Variants in TEX36 observed in about 807,000 individuals in gnomAD.
The protein encoded by TEX36 is testis-expressed protein 36.
In TEX36, 12 loss-of-function variants were observed where a neutral mutation model predicts 13.6. The ratio of observed to expected loss-of-function variants is 0.88; its 90% CI spans 0.56 to 1.43. TEX36 has a LOEUF of 1.43. Among genes scored for constraint, TEX36 ranks in the 40% most tolerant of loss-of-function variants. The pLI, the probability that TEX36 is intolerant of heterozygous loss-of-function variation, is 0.00. For synonymous variants in TEX36, 93 were observed against 83.0 expected, an observed-to-expected ratio of 1.12 and a Z score of -0.65; for missense variants, 224 against 228.3, an observed-to-expected ratio of 0.98 and a Z score of 0.12.
At chr10:125,677,756 A>G (rs1403722296) in intron 1 of TEX36, among the ~76,000 whole-genome samples, 1 of 152,080 alleles carries the variant, frequency 6.6e-6, no homozygotes, top group African/African-American at 2.4e-5. Context: ...ATCTTGGCTC[A>G]CTGCAACCTC....
At chr10:125,614,616 G>A (rs1281359831) in intron 3 of TEX36, among the ~76,000 whole-genome samples, 1 of 152,018 alleles carries the variant, frequency 6.6e-6, no homozygotes, top group Non-Finnish European at 1.5e-5. Context: ...ATTTCTGAGG[G>A]CTCTGTTCTG....
At chr10:125,666,260 A>G (rs1200773172) in intron 1 of TEX36, among the ~76,000 whole-genome samples, 4 of 152,276 alleles carry the variant, frequency 2.6e-5, no homozygotes, top group African/African-American at 7.2e-5. Context: ...GAAAGTGAGA[A>G]TCCTTGTCTT....
chr10:125,584,404 C>A (rs1845918642), intron 3 of TEX36, among the ~76,000 whole-genome samples: 1 of 152,110 alleles, frequency 6.6e-6, no homozygotes, highest in African/African-American at 2.4e-5. Flanking sequence ...AAAAATAATC[C>A]TCGTAATCCT....
At chr10:125,611,307 C>T (rs1846286731) in intron 3 of TEX36, among the ~76,000 whole-genome samples, 2 of 152,160 alleles carry the variant, frequency 1.3e-5, no homozygotes, top group African/African-American at 4.8e-5. Context: ...AATTGCCCTC[C>T]AGAAAAATTG....
At chr10:125,650,113 C>A (rs1451891844) in intron 3 of TEX36, among the ~76,000 whole-genome samples, 1 of 152,038 alleles carries the variant, frequency 6.6e-6, no homozygotes, top group Non-Finnish European at 1.5e-5. Flanking sequence ...ACAAGGATAC[C>A]CAGGAATTGA....
Position 125,678,129 on chromosome 10 carries a change from T to G in TEX36, c.51+4810A>C, listed in dbSNP as rs1847339515. ...CTGTCCTTACATTGCTATCTGCACA[T>G]CTGGTGTAACAGTCTCTTCTTCCTA... On this transcript the variant is annotated intron_variant, in intron 1 of 3. Transcript: ENST00000368821. Among the ~76,000 whole-genome samples, 7 of 152,372 alleles carry G rather than the reference T, an allele frequency of 4.6e-5. No homozygotes were observed. The South Asian group carries it at 1.4e-3, about 32-fold the overall frequency.
chr10:125,644,025 T>C (rs1347763239), intron 3 of TEX36, among the ~76,000 whole-genome samples: 1 of 152,076 alleles, frequency 6.6e-6, no homozygotes, highest in East Asian at 1.9e-4. Context: ...GACACAACAA[T>C]ACCCAAGGAA....
At chr10:125,655,595 GA>G, downstream of TEX36, 1 of 899,414 alleles carries the variant, frequency 1.1e-6, no homozygotes, top group African/African-American at 1.8e-5. Flanking sequence ...GAGATGTGGT[GA>G]AATCAAGGAG....
intron 3 of TEX36, among the ~76,000 whole-genome samples, chr10:125,630,115 G>A (rs374852073): frequency 1.1e-3 from 174 of 152,254 alleles, no homozygotes; most frequent in African/African-American, 3.9e-3. Flanking sequence ...TCCTCTGCTA[G>A]GCATTAAAAA....
rs1349404580 is a variant in TEX36 at position 125,614,560 on chromosome 10, C to T, written c.265-37686G>A. Among the ~76,000 whole-genome samples, 53 of 152,184 alleles carry T rather than the reference C, an allele frequency of 3.5e-4. No homozygotes were observed. The South Asian group carries it at 7.1e-3, about 20-fold the overall frequency. On this transcript the variant is annotated intron_variant, in intron 3 of 3. Transcript: ENST00000532135. Reference sequence around the variant, plus strand: ...GGGAATCCTTTCCCCATTGCTTGTTCTTCTCAGGTTTGTCAAAGATCAGAT... The same window carrying T: ...GGGAATCCTTTCCCCATTGCTTGTTTTTCTCAGGTTTGTCAAAGATCAGAT...
chr10:125,680,954 G>A (rs1445121843), intron 1 of TEX36, among the ~76,000 whole-genome samples: 5 of 152,148 alleles, frequency 3.3e-5, no homozygotes, highest in Non-Finnish European at 7.3e-5. Flanking sequence ...ATTCACAGCA[G>A]CCATGTGGTT....
chr10:125,634,191 A>G (rs1014791248), intron 3 of TEX36, among the ~76,000 whole-genome samples: 1 of 152,138 alleles, frequency 6.6e-6, no homozygotes, highest in African/African-American at 2.4e-5. Flanking sequence ...GAATCTTATT[A>G]ATCTTGCATA....
At chr10:125,640,273 T>A (rs1846671769) in intron 3 of TEX36, 1 of 909,876 alleles carries the variant, frequency 1.1e-6, no homozygotes, top group Admixed American at 6.2e-5. Flanking sequence ...CTTGTGCCTG[T>A]ATTACCCAAT....
intron 3 of TEX36, among the ~76,000 whole-genome samples, chr10:125,626,058 G>T (rs973554252): frequency 1.3e-5 from 2 of 152,200 alleles, no homozygotes; most frequent in African/African-American, 4.8e-5. Context: ...GACCAGTGCA[G>T]GTGATAAAGG....
intron 3 of TEX36, 121 bp downstream of exon 3, chr10:125,660,900 T>C (rs1847025890): frequency 2.4e-6 from 2 of 830,620 alleles, no homozygotes; most frequent in Non-Finnish European, 4.0e-6. Context: ...GTTTAAGACC[T>C]CGCTTTGTTT....
At chr10:125,592,869 A>G (rs1299427265) in intron 3 of TEX36, among the ~76,000 whole-genome samples, 2 of 152,178 alleles carry the variant, frequency 1.3e-5, no homozygotes, top group African/African-American at 4.8e-5. Context: ...ATAGAGAACA[A>G]CAGCTAGATG....
intron 3 of TEX36, among the ~76,000 whole-genome samples, chr10:125,603,895 G>C (rs1846181210): frequency 6.6e-6 from 1 of 152,174 alleles, no homozygotes; most frequent in African/African-American, 2.4e-5. Context: ...GCTGGGCCCA[G>C]TGGGCAGGTT....
intron 3 of TEX36, among the ~76,000 whole-genome samples, chr10:125,615,259 T>A (rs934296414): frequency 5.9e-5 from 9 of 151,882 alleles, no homozygotes; most frequent in African/African-American, 2.2e-4. Context: ...CTTTTCCTAA[T>A]TGAATACCCT....
At chr10:125,657,810 G>C (rs558083993) in intron 3 of TEX36, among the ~76,000 whole-genome samples, 5 of 152,302 alleles carry the variant, frequency 3.3e-5, no homozygotes, top group Middle Eastern at 3.4e-3. Flanking sequence ...GGAACAGGAA[G>C]TGAGTGAGAT....
Sources: allele counts gnomAD v4.1 joint callset (sites outside exome capture counted in the v4.1 genomes callset), GRCh38; gene constraint gnomAD v4.1.1; transcripts MANE v1.5; gene names NCBI Gene and HGNC (gene_info 2026-07-23, HGNC 2026-07-21).